RELCH: variants seen among roughly 807,000 people sequenced by gnomAD.
RELCH encodes RAB11-binding protein RELCH.
A neutral mutation model predicts 150.3 loss-of-function variants in RELCH; 41 were observed. The ratio of observed to expected loss-of-function variants is 0.27; its 90% CI spans 0.21 to 0.35. The LOEUF (loss-of-function observed/expected upper bound fraction) is 0.35. Among genes scored for constraint, RELCH ranks in the 10% least tolerant of loss-of-function variants. RELCH has a pLI of 1.00. For synonymous variants in RELCH, 478 were observed against 531.8 expected, an observed-to-expected ratio of 0.90 and a Z score of 1.39; for missense variants, 1,092 against 1,467.8, an observed-to-expected ratio of 0.74 and a Z score of 4.18.
At chr18:62,290,658 G>T (rs1291187447) in intron 26 of RELCH, among the ~76,000 whole-genome samples, 1 of 152,182 alleles carries the variant, frequency 6.6e-6, no homozygotes, top group Non-Finnish European at 1.5e-5. Context: ...TGAACAAGAT[G>T]AATTGTTTTC....
At chr18:62,209,583 T>C (rs1452465413) in intron 1 of RELCH, among the ~76,000 whole-genome samples, 1 of 152,120 alleles carries the variant, frequency 6.6e-6, no homozygotes, top group Admixed American at 6.5e-5. Flanking sequence ...TTTTCAAGAT[T>C]GTTCAGCTAT....
rs2042783226 is a variant in RELCH, at chr18:62,252,702, A to G, written c.1772A>G (p.His591Arg). The change falls in exon 12 of 29, where the codon CAT (histidine) becomes CGT (arginine). Residue 591 changes from histidine (H) to arginine (R), a missense_variant. Around this residue, in one of 4 missense-constraint regions of RELCH, gnomAD observed 707 missense variants for 1,025.4 expected, o/e 0.69. Transcript: ENST00000644646. The part of the protein sequence containing the change: ...ILTGCVAFAR[H>R]VGPTRVEAEL... ...ACAGGTTGTGTGGCATTTGCGCGTC[A>G]TGTTGGACCAACACGTGTAGAAGCT... is the stretch of plus-strand genomic sequence containing the variant. 1.2e-6 allele frequency: 2 copies of G among 1,614,064 alleles called. No homozygotes were observed. The highest frequency in any genetic ancestry group is 1.3e-5 in the African/African-American group (1 of 75,040).
chr18:62,272,028 A>G (rs754955807), intron 20 of RELCH, among the ~76,000 whole-genome samples: 3 of 152,180 alleles, frequency 2.0e-5, no homozygotes, highest in Non-Finnish European at 4.4e-5. Flanking sequence ...ACAGTTATAC[A>G]GTATCACATA....
At chr18:62,234,716 A>G (rs1479686734) in intron 10 of RELCH, among the ~76,000 whole-genome samples, 4 of 151,964 alleles carry the variant, frequency 2.6e-5, no homozygotes, top group Non-Finnish European at 5.9e-5. Flanking sequence ...TGTCACATGC[A>G]GTCAGTTTTG....
intron 21 of RELCH, among the ~76,000 whole-genome samples, 181 bp from the exon 22 acceptor site, chr18:62,275,193 G>A (rs2044130908): frequency 6.6e-6 from 1 of 152,160 alleles, no homozygotes; most frequent in Non-Finnish European, 1.5e-5. Flanking sequence ...GGGATTACAG[G>A]CGTGAGCCAC....
intron 5 of RELCH, among the ~76,000 whole-genome samples, chr18:62,223,544 T>G (rs1038618200): frequency 1.3e-5 from 2 of 152,028 alleles, no homozygotes; most frequent in Non-Finnish European, 2.9e-5. Context: ...TTCTAGAAAT[T>G]AAAGATAAGG....
At chr18:62,231,401 GCTCTAA>G in intron 9 of RELCH, 132 bp downstream of exon 9, 2 of 559,832 alleles carry the variant, frequency 3.6e-6, no homozygotes, top group Non-Finnish European at 6.2e-6. Context: ...GTAAAATAAT[GCTCTAA>G]GATATAGTTC....
intron 20 of RELCH, among the ~76,000 whole-genome samples, chr18:62,270,120 T>G (rs1227987957): frequency 2.0e-5 from 3 of 152,148 alleles, no homozygotes; most frequent in Non-Finnish European, 2.9e-5. Context: ...TACATAAGTC[T>G]CAGGACCTCT....
At chr18:62,303,269 G>A (rs1329106470) in intron 28 of RELCH, among the ~76,000 whole-genome samples, 1 of 152,092 alleles carries the variant, frequency 6.6e-6, no homozygotes, top group African/African-American at 2.4e-5. Flanking sequence ...TGCATTTTCA[G>A]AAGTTTTCCA....
At chr18:62,286,591 CTAG>C (rs1350642855) in intron 25 of RELCH, among the ~76,000 whole-genome samples, 3 of 151,960 alleles carry the variant, frequency 2.0e-5, no homozygotes, top group Non-Finnish European at 4.4e-5. Flanking sequence ...CAAGCAGAGA[CTAG>C]AAAGGGGTTG....
At chr18:62,218,484 A>T (rs568941662) in intron 2 of RELCH, among the ~76,000 whole-genome samples, 1 of 152,084 alleles carries the variant, frequency 6.6e-6, no homozygotes, top group African/African-American at 2.4e-5. Flanking sequence ...GAAATTTCAC[A>T]TTCCACCTTT....
In RELCH at chr18:62,309,508, C is replaced by A. The variant is rs1363323395; in HGVS notation, c.*3974C>A. On this transcript the variant is annotated 3_prime_UTR_variant, in exon 29 of 29. Coordinates refer to ENST00000644646, the MANE Select transcript of RELCH (RefSeq NM_001346231.2). Reference sequence around the variant, plus strand: ...TGCATGTTTAAGAAAAATCTTAAAACATCCTATTCTCTGTTAAGACCACAC... The same window carrying A: ...TGCATGTTTAAGAAAAATCTTAAAAAATCCTATTCTCTGTTAAGACCACAC... 1 of 152,128 alleles carries A rather than the reference C, an allele frequency of 6.6e-6. No homozygotes were observed. Among genetic ancestry groups the A allele is most frequent in the Non-Finnish European group, 1.5e-5 (1 of 68,020 alleles). 9.4% of individuals were successfully genotyped at this position (152,128 alleles called of 1,614,324 possible). A position where few individuals can be genotyped will look rare whatever the true frequency, so the allele number is the denominator to read the frequency against.
chr18:62,207,152 CT>C (rs1296659434), intron 1 of RELCH, among the ~76,000 whole-genome samples: 1 of 152,080 alleles, frequency 6.6e-6, no homozygotes, highest in African/African-American at 2.4e-5. Flanking sequence ...CATTTTCCCC[CT>C]CAACCCCCAA....
At chr18:62,283,976 C>A (rs184250298) in intron 25 of RELCH, among the ~76,000 whole-genome samples, 1 of 151,966 alleles carries the variant, frequency 6.6e-6, no homozygotes, top group Non-Finnish European at 1.5e-5. Flanking sequence ...TGCTGTGTGC[C>A]GTGTCATATA....
chr18:62,198,515 G>T (rs774966765), intron 1 of RELCH, among the ~76,000 whole-genome samples: 1 of 152,144 alleles, frequency 6.6e-6, no homozygotes, highest in African/African-American at 2.4e-5. Context: ...CCTGTTGTGG[G>T]TGGATAAGAT....
In RELCH at chr18:62,280,706, A is replaced by G; in HGVS notation, c.3111A>G (p.Arg1037=). Residue 1037 remains arginine (R), a synonymous_variant, in exon 24 of 29, where the codon AGA becomes AGG. Transcript: ENST00000644646. ...FGTIMETVIQ[R]ELLERVKMQL... is the part of the protein sequence containing the mutation. The stretch of plus-strand genomic sequence containing the variant: ...CTATTATGGAAACAGTAATTCAAAG[A>G]GAGGTAGGAATAATTGAAATTTATT... 1.3e-6 allele frequency: 2 copies of G among 1,592,386 alleles called. No individual in the cohort carries two copies. The highest frequency in any genetic ancestry group is 1.7e-6 in the Non-Finnish European group (2 of 1,160,802).
intron 10 of RELCH, among the ~76,000 whole-genome samples, chr18:62,242,644 T>TA (rs2042206502): frequency 6.6e-6 from 1 of 152,194 alleles, no homozygotes; most frequent in East Asian, 1.9e-4. Context: ...GGCACATCTG[T>TA]AGCCATATTT....
chr18:62,210,438 T>G (rs1010982528), intron 1 of RELCH, among the ~76,000 whole-genome samples: 4 of 152,242 alleles, frequency 2.6e-5, no homozygotes, highest in Non-Finnish European at 5.9e-5. Context: ...TAATCCATCT[T>G]TGAGATTTCT....
At chr18:62,300,625 A>G (rs543907066) in intron 28 of RELCH, 15 of 152,320 alleles carry the variant, frequency 9.8e-5, no homozygotes, top group Middle Eastern at 3.4e-3. Flanking sequence ...TAAAAGCAGT[A>G]TTTTTCAAAC....
Sources: gnomAD v4.1 joint callset for allele counts (sites outside exome capture counted in the v4.1 genomes callset) on GRCh38, gnomAD v4.1.1 for gene constraint, gnomAD v4.1.1 regional missense constraint, MANE v1.5 for transcripts, NCBI Gene and HGNC (gene_info 2026-07-23, HGNC 2026-07-21) for gene names.